The following SYN2 variants were observed in gnomAD, a reference collection of about 807,000 sequenced individuals.
The protein encoded by SYN2 is synapsin-2.
A neutral mutation model predicts 50.9 loss-of-function variants in SYN2; 19 were observed. That is an observed-to-expected ratio of 0.37 (90% CI 0.26 to 0.55). SYN2 has a LOEUF of 0.55. SYN2 is among the 20% of genes least tolerant of loss of function. SYN2 has a pLI of 0.81. For synonymous variants in SYN2, 255 were observed against 224.9 expected (o/e 1.13, Z -1.20); for missense variants, 587 against 576.4 (o/e 1.02, Z -0.19).
At chr3:12,062,290 C>T (rs538167410) in intron 1 of SYN2, among the ~76,000 whole-genome samples, 1 of 152,044 alleles carries the variant, frequency 6.6e-6, no homozygotes, top group African/African-American at 2.4e-5. Context: ...GTCTTTTCAA[C>T]AAATTTACAT....
chr3:12,034,378 T>A (rs930276349), intron 1 of SYN2, among the ~76,000 whole-genome samples: 5 of 152,246 alleles, frequency 3.3e-5, no homozygotes, highest in African/African-American at 1.2e-4. Context: ...CACTTTTTGA[T>A]TGGGCTAATT....
Position 12,161,601 on chromosome 3 carries a change from T to G in SYN2, c.830T>G (p.Met277Arg). 6.2e-7 allele frequency: 1 copy of G among 1,614,024 alleles called. No homozygotes were observed. The change falls in exon 6 of 13, where the codon ATG becomes AGG. Residue 277 changes from methionine to arginine, a missense_variant. Coordinates refer to ENST00000621198, the MANE Select transcript of SYN2 (RefSeq NM_133625.6). ...AAGATTGGCCACGCTCACTCAGGCATGGGCAAGGTGAGGCAGAGAGGCCTG... is the reference window on the plus strand; with the variant it reads ...AAGATTGGCCACGCTCACTCAGGCAGGGGCAAGGTGAGGCAGAGAGGCCTG... ...VVKIGHAHSG[M>R]GKVKVENHYD...
At chr3:12,146,661 A>G (rs139780151) in intron 4 of SYN2, among the ~76,000 whole-genome samples, 1 of 152,330 alleles carries the variant, frequency 6.6e-6, no homozygotes, top group Non-Finnish European at 1.5e-5. Flanking sequence ...CTATATAAGG[A>G]GGAAACTGTT....
chr3:12,130,237 C>CGT (rs34883251), intron 1 of SYN2, among the ~76,000 whole-genome samples: 103,183 of 149,112 alleles, frequency 0.69, 36,276 homozygotes, highest in Middle Eastern at 0.78. Context: ...TCTCTGTGTG[C>CGT]GTGTGTGTGT....
chr3:12,158,870 A>G (rs754369059), intron 5 of SYN2: 1 of 1,530,448 alleles, frequency 6.5e-7, no homozygotes, highest in Non-Finnish European at 8.8e-7. Flanking sequence ...TGAGCCTGTG[A>G]GGTCTGGGGG....
At chr3:12,107,013 TTGTG>T (rs34550312) in intron 1 of SYN2, among the ~76,000 whole-genome samples, 44 of 149,658 alleles carry the variant, frequency 2.9e-4, no homozygotes, top group East Asian at 3.9e-4. Context: ...GTCTGTATGT[TTGTG>T]TGTGTGTGTG....
chr3:12,191,493 T>G lies in SYN2; in HGVS notation c.*868T>G, dbSNP rs889817901. The G allele has an allele frequency of 6.6e-5, 10 of 152,000 alleles. No homozygotes were observed. Among genetic ancestry groups the G allele is most frequent in the African/African-American group, 2.4e-4 (10 of 41,290 alleles). The allele number at this position is 152,000 out of a possible 1,614,324, so 9.4% of individuals were successfully genotyped here. A position where few individuals can be genotyped will look rare whatever the true frequency, so the allele number is the denominator to read the frequency against. ...TGAGGGGTGTGTGTGTGTGTGTGCT[T>G]GAGTGTAGGGAGTGAAAAATCTAGG... On this transcript the variant is annotated 3_prime_UTR_variant, in exon 13 of 13. Transcript: ENST00000621198.
chr3:12,065,738 T>C (rs1367894603), intron 1 of SYN2, among the ~76,000 whole-genome samples: 3 of 151,994 alleles, frequency 2.0e-5, no homozygotes, highest in Non-Finnish European at 4.4e-5. Context: ...TTGGAAAAAC[T>C]AACTGTTGAG....
chr3:12,181,197 CT>C (rs1698212298), intron 10 of SYN2, among the ~76,000 whole-genome samples: 1 of 152,230 alleles, frequency 6.6e-6, no homozygotes. Flanking sequence ...TTCTGTAACC[CT>C]CTCTGGGAAT....
At position 12,187,510 on chromosome 3, in the gene SYN2, C is replaced by G; in HGVS notation, c.1511C>G (p.Pro504Arg). The change falls in exon 12 of 13, where the codon CCC (proline) becomes CGC (arginine). Residue 504 changes from proline to arginine, a missense_variant. Coordinates refer to ENST00000621198, the MANE Select transcript of SYN2 (RefSeq NM_133625.6). Reference sequence around the variant, plus strand: ...TCGGCTCCTCAGCGGCCGGGCGGCCCCACCACCCACGGAGATGCACCCTCC... The same window carrying G: ...TCGGCTCCTCAGCGGCCGGGCGGCCGCACCACCCACGGAGATGCACCCTCC... The part of the protein sequence containing the change: ...SSSAPQRPGG[P>R]TTHGDAPSSS... 4 of 1,553,372 alleles carry G rather than the reference C, an allele frequency of 2.6e-6. No individual in the cohort carries two copies. Among genetic ancestry groups the G allele is most frequent in the Non-Finnish European group, 3.5e-6 (4 of 1,147,730 alleles).
chr3:12,170,420 T>C (rs1485192005), intron 10 of SYN2, among the ~76,000 whole-genome samples: 1 of 152,240 alleles, frequency 6.6e-6, no homozygotes, highest in Non-Finnish European at 1.5e-5. Flanking sequence ...GAAATCTTTC[T>C]TTCCTAAGAG....
chr3:12,185,587 A>G (rs1698325762), intron 11 of SYN2: 4 of 985,834 alleles, frequency 4.1e-6, no homozygotes, highest in Non-Finnish European at 4.8e-6. Flanking sequence ...TTTTGTACCT[A>G]TTTCTTTCCT....
chr3:12,111,017 T>C (rs1337124985), intron 1 of SYN2, among the ~76,000 whole-genome samples: 3 of 152,108 alleles, frequency 2.0e-5, no homozygotes, highest in Admixed American at 1.3e-4. Flanking sequence ...GGTTTTGAAA[T>C]GTGAGGACAT....
intron 1 of SYN2, among the ~76,000 whole-genome samples, chr3:12,035,250 C>A (rs1267517926): frequency 6.6e-6 from 1 of 152,234 alleles, no homozygotes; most frequent in Non-Finnish European, 1.5e-5. Context: ...AGGCCTCAAG[C>A]AGCCCTGCCC....
At chr3:12,158,918 T>G in intron 5 of SYN2, 1 of 1,433,562 alleles carries the variant, frequency 7.0e-7, no homozygotes. Flanking sequence ...CCAAGGCCGT[T>G]GTGCCCCTCG....
At chr3:12,186,061 T>A (rs1336328040) in intron 11 of SYN2, among the ~76,000 whole-genome samples, 3 of 152,238 alleles carry the variant, frequency 2.0e-5, no homozygotes, top group Non-Finnish European at 2.9e-5. Context: ...AGTGGGGAAC[T>A]GAGCGGATAG....
At chr3:12,130,235 TGC>T (rs989191273) in intron 1 of SYN2, among the ~76,000 whole-genome samples, 1 of 75,228 alleles carries the variant, frequency 1.3e-5, no homozygotes, top group African/African-American at 3.7e-5. Flanking sequence ...CATCTCTGTG[TGC>T]GTGTGTGTGT....
At chr3:12,016,302 A>C (rs1239253486) in intron 1 of SYN2, among the ~76,000 whole-genome samples, 1 of 152,248 alleles carries the variant, frequency 6.6e-6, no homozygotes, top group African/African-American at 2.4e-5. Flanking sequence ...ATAATTAGCA[A>C]ACTGCTACTA....
intron 1 of SYN2, among the ~76,000 whole-genome samples, chr3:12,118,921 A>G (rs1696490673): frequency 6.6e-6 from 1 of 152,232 alleles, no homozygotes; most frequent in Non-Finnish European, 1.5e-5. Context: ...GCATGTACTC[A>G]TTATAAAACA....
Sources: gnomAD v4.1 joint callset for allele counts (sites outside exome capture counted in the v4.1 genomes callset) on GRCh38, gnomAD v4.1.1 for gene constraint, MANE v1.5 for transcripts, NCBI Gene and HGNC (gene_info 2026-07-23, HGNC 2026-07-21) for gene names.